The following GSE1 variants were observed in gnomAD, a reference collection of about 807,000 sequenced individuals.
GSE1 encodes Gse1 coiled-coil protein, also known as genetic suppressor element 1.
GSE1 carries 32 observed loss-of-function variants against 112.6 expected under a neutral mutation model. That is an observed-to-expected ratio of 0.28 (90% confidence interval 0.21 to 0.38). The LOEUF (loss-of-function observed/expected upper bound fraction) is 0.38. GSE1 is among the 10% of genes least tolerant of loss of function. The pLI, the probability that GSE1 is intolerant of heterozygous loss-of-function variation, is 1.00. For missense variants in GSE1, 2,348 were observed against 1,699.2 expected, an observed-to-expected ratio of 1.38 and a Z score of -6.71; for synonymous variants, 1,115 against 735.6, an observed-to-expected ratio of 1.52 and a Z score of -8.35.
At chr16:85,421,333 T>C (rs965976178) in intron 2 of GSE1, among the ~76,000 whole-genome samples, 1 of 152,076 alleles carries the variant, frequency 6.6e-6, no homozygotes, top group East Asian at 1.9e-4. Context: ...GGGGTCCTGC[T>C]TTCCACAGGG....
At chr16:85,604,077 A>G (rs555557632) in intron 1 of GSE1, among the ~76,000 whole-genome samples, 1 of 152,316 alleles carries the variant, frequency 6.6e-6, no homozygotes, top group East Asian at 1.9e-4. Flanking sequence ...GAAGGCAAAG[A>G]GGGAGCCAGC....
At position 85,462,025 on chromosome 16, in the gene GSE1, G is replaced by A. The variant is rs114277686; in HGVS notation, c.2464+104382G>A. Among the ~76,000 whole-genome samples, 1,358 of 152,342 alleles carry A rather than the reference G, an allele frequency of 8.9e-3. 10 individuals carry two copies. Among genetic ancestry groups the A allele is most frequent in the Non-Finnish European group, 0.013 (877 of 68,026 alleles). On this transcript the variant is annotated intron_variant, in intron 2 of 2. Transcript: ENST00000637419. ...GTGCTCACAGCACTTATCTGGAAAG[G>A]AGAGGCCAGCAGGCCCCCGGGGAGT... is the stretch of plus-strand genomic sequence containing the variant.
intron 2 of GSE1, among the ~76,000 whole-genome samples, chr16:85,370,855 C>T (rs1010624963): frequency 2.6e-5 from 4 of 152,342 alleles, no homozygotes; most frequent in Admixed American, 2.6e-4. Flanking sequence ...ACGGAGTTGA[C>T]AGGGAAGGCA....
chr16:85,476,962 G>A (rs916637978), intron 2 of GSE1, among the ~76,000 whole-genome samples: 1 of 110,786 alleles, frequency 9.0e-6, no homozygotes, highest in Admixed American at 1.1e-4. Flanking sequence ...GTCTTGCTTT[G>A]TTGACCAACT....
intron 1 of GSE1, among the ~76,000 whole-genome samples, chr16:85,190,344 C>T (rs2074796248): frequency 6.6e-6 from 1 of 152,026 alleles, no homozygotes; most frequent in Middle Eastern, 3.4e-3. Flanking sequence ...TGCTGGCTCT[C>T]TCATATATTA....
intron 1 of GSE1, among the ~76,000 whole-genome samples, chr16:85,272,627 G>T (rs548633525): frequency 6.6e-6 from 1 of 152,262 alleles, no homozygotes; most frequent in Non-Finnish European, 1.5e-5. Flanking sequence ...TGTGCGGGGA[G>T]CCTGGGCTGA....
intron 1 of GSE1, among the ~76,000 whole-genome samples, chr16:85,614,490 C>T (rs2048240932): frequency 6.6e-6 from 1 of 152,092 alleles, no homozygotes; most frequent in African/African-American, 2.4e-5. Flanking sequence ...AGACTCGAGG[C>T]GCAGGCCATA....
intron 2 of GSE1, among the ~76,000 whole-genome samples, chr16:85,491,242 C>T (rs775418873): frequency 6.6e-6 from 1 of 152,218 alleles, no homozygotes; most frequent in African/African-American, 2.4e-5. Context: ...TGGGTGCCAC[C>T]TGGGGCCACG....
intron 1 of GSE1, among the ~76,000 whole-genome samples, chr16:85,326,895 G>A (rs1373676193): frequency 6.6e-6 from 1 of 152,236 alleles, no homozygotes; most frequent in African/African-American, 2.4e-5. Flanking sequence ...ATTACCCGGT[G>A]ACAAATCACC....
intron 2 of GSE1, among the ~76,000 whole-genome samples, chr16:85,477,550 C>G (rs138600282): frequency 3.4e-5 from 5 of 146,300 alleles, no homozygotes. Context: ...AGAAAAAGGT[C>G]TTAGGTTTTT....
intron 1 of GSE1, among the ~76,000 whole-genome samples, chr16:85,225,339 C>A (rs1372042584): frequency 1.3e-5 from 2 of 151,978 alleles, no homozygotes; most frequent in Admixed American, 1.3e-4. Context: ...GAGGGGTGTT[C>A]CTGGCAGAGA....
intron 1 of GSE1, among the ~76,000 whole-genome samples, chr16:85,255,156 C>T (rs1014847674): frequency 6.6e-6 from 1 of 152,206 alleles, no homozygotes; most frequent in Non-Finnish European, 1.5e-5. Flanking sequence ...CAGGATGGAG[C>T]GAGTGGCAGA....
intron 2 of GSE1, among the ~76,000 whole-genome samples, chr16:85,383,604 C>G (rs926403467): frequency 5.9e-5 from 9 of 151,364 alleles, no homozygotes; most frequent in African/African-American, 2.2e-4. Context: ...CTCCTCCAGA[C>G]CAGCCTGGGT....
At chr16:85,281,943 T>C (rs2044869709) in intron 1 of GSE1, among the ~76,000 whole-genome samples, 1 of 152,136 alleles carries the variant, frequency 6.6e-6, no homozygotes, top group African/African-American at 2.4e-5. Flanking sequence ...GCCACCCACA[T>C]GCAGAGCCCT....
At chr16:85,210,683 T>C (rs1188648944) in intron 1 of GSE1, among the ~76,000 whole-genome samples, 1 of 152,192 alleles carries the variant, frequency 6.6e-6, no homozygotes, top group Non-Finnish European at 1.5e-5. Flanking sequence ...GAAATATGCC[T>C]GTGTAAGTTG....
chr16:85,670,211 T>C (rs1237062476), intron 14 of GSE1, among the ~76,000 whole-genome samples: 1 of 152,244 alleles, frequency 6.6e-6, no homozygotes, highest in African/African-American at 2.4e-5. Flanking sequence ...GAATCACAGA[T>C]GATCAAACCT....
chr16:85,259,692 C>A (rs779584582), intron 1 of GSE1, among the ~76,000 whole-genome samples: 3 of 152,170 alleles, frequency 2.0e-5, no homozygotes, highest in African/African-American at 7.2e-5. Flanking sequence ...CAGTAACAGT[C>A]CCGAGGGCAG....
intron 1 of GSE1, among the ~76,000 whole-genome samples, chr16:85,274,945 G>C (rs765032430): frequency 6.6e-6 from 1 of 152,230 alleles, no homozygotes; most frequent in Non-Finnish European, 1.5e-5. Context: ...CTTGGAGTGA[G>C]ACCAGGCATT....
chr16:85,437,242 G>C (rs1303736603), intron 2 of GSE1, among the ~76,000 whole-genome samples: 1 of 152,160 alleles, frequency 6.6e-6, no homozygotes, highest in Admixed American at 6.5e-5. Flanking sequence ...TGGGGTCACA[G>C]AGGCCCCCTG....
Sources: allele counts gnomAD v4.1 joint callset (sites outside exome capture counted in the v4.1 genomes callset), GRCh38; gene constraint gnomAD v4.1.1; transcripts MANE v1.5; gene names NCBI Gene and HGNC (gene_info 2026-07-23, HGNC 2026-07-21).